AGBL4: variants seen among roughly 807,000 people sequenced by gnomAD.
AGBL4 encodes AGBL carboxypeptidase 4, also known as cytosolic carboxypeptidase 6.
In AGBL4, 58 loss-of-function variants were observed where a neutral mutation model predicts 66.4. The ratio of observed to expected loss-of-function variants is 0.87; its 90% CI spans 0.71 to 1.09. The LOEUF (loss-of-function observed/expected upper bound fraction) is 1.09. Ranked by LOEUF, AGBL4 falls within the 50% of genes least tolerant of loss-of-function variation. The probability of loss-of-function intolerance (pLI) is 0.00; values close to 1 mark genes in which losing one functional copy is unlikely to be tolerated. For missense variants in AGBL4, 579 were observed against 631.0 expected (o/e 0.92, Z 0.88); for synonymous variants, 234 against 222.9 (o/e 1.05, Z -0.44).
intron 4 of AGBL4, among the ~76,000 whole-genome samples, chr1:49,118,682 G>C (rs1334459038): frequency 6.6e-6 from 1 of 152,138 alleles, no homozygotes; most frequent in Non-Finnish European, 1.5e-5. Context: ...TCTCTGCCAG[G>C]CTTTGGTATC....
chr1:49,649,390 T>A lies in AGBL4; in HGVS notation c.282+47923A>T, dbSNP rs199813553. ...CAGGAATAAATGGAGTGATATACAA[T>A]GATTCAGGTCACTTCTTCAAGAAAA... is the stretch of plus-strand genomic sequence containing the variant. On this transcript the variant is annotated intron_variant, in intron 3 of 13. Transcript: ENST00000371839. Among the ~76,000 whole-genome samples the A allele has an allele frequency of 2.6e-5, 4 of 152,320 alleles. No homozygotes were observed. In the East Asian group the frequency reaches 7.7e-4, roughly 29 times the overall value.
rs567917070 is a variant in AGBL4, at chr1:48,707,236, G to C, written c.635-43995C>G. Among the ~76,000 whole-genome samples the C allele has an allele frequency of 3.3e-5, 5 of 152,332 alleles. No individual in the cohort carries two copies. The South Asian group carries it at 1.0e-3, about 32-fold the overall frequency. The stretch of plus-strand genomic sequence containing the variant: ...TTGAGCCCAGGAGGCGGAGGTTGCA[G>C]TGAGCTAAGATCATGCCACTGCACT... On this transcript the variant is annotated intron_variant, in intron 6 of 13. Transcript: ENST00000371839.
intron 5 of AGBL4, among the ~76,000 whole-genome samples, chr1:48,980,325 C>A (rs1659647697): frequency 6.6e-6 from 1 of 152,090 alleles, no homozygotes; most frequent in African/African-American, 2.4e-5. Context: ...CCCTCAGAAG[C>A]CACTTTTTAA....
intron 3 of AGBL4, among the ~76,000 whole-genome samples, chr1:49,568,299 C>A (rs914457660): frequency 2.0e-5 from 3 of 151,978 alleles, no homozygotes; most frequent in Non-Finnish European, 2.9e-5. Flanking sequence ...TCTCAGGATA[C>A]AAAATTAATG....
chr1:48,658,273 T>C (rs1250372024), intron 7 of AGBL4, among the ~76,000 whole-genome samples: 1 of 152,240 alleles, frequency 6.6e-6, no homozygotes, highest in Non-Finnish European at 1.5e-5. Context: ...TGTGGAATAA[T>C]TTGCATATGC....
At chr1:49,870,743 C>CA (rs1410635933) in intron 1 of AGBL4, among the ~76,000 whole-genome samples, 2 of 151,846 alleles carry the variant, frequency 1.3e-5, no homozygotes. Flanking sequence ...GATATTCAAC[C>CA]ACACTAGTCA....
chr1:49,602,800 T>C (rs1331419055), intron 3 of AGBL4, among the ~76,000 whole-genome samples: 5 of 150,792 alleles, frequency 3.3e-5, no homozygotes, highest in Non-Finnish European at 1.5e-5. Flanking sequence ...GTTCTGCACA[T>C]ATATCCCAGA....
chr1:48,540,178 C>T (rs1033580378), intron 11 of AGBL4, among the ~76,000 whole-genome samples: 1 of 152,120 alleles, frequency 6.6e-6, no homozygotes, highest in African/African-American at 2.4e-5. Context: ...GCCTGCTTGA[C>T]CCTTAGGGCT....
intron 1 of AGBL4, among the ~76,000 whole-genome samples, chr1:49,966,986 G>A (rs927551480): frequency 1.3e-5 from 2 of 152,128 alleles, no homozygotes; most frequent in Non-Finnish European, 2.9e-5. Flanking sequence ...TGTCTTTATA[G>A]TAGAATGATT....
At chr1:49,159,362 C>G (rs1246216623) in intron 4 of AGBL4, among the ~76,000 whole-genome samples, 1 of 152,128 alleles carries the variant, frequency 6.6e-6, no homozygotes, top group Non-Finnish European at 1.5e-5. Context: ...GTTGAAAATT[C>G]TTTTCTTTAA....
intron 5 of AGBL4, among the ~76,000 whole-genome samples, chr1:48,937,048 C>T (rs1017148836): frequency 8.5e-5 from 13 of 152,194 alleles, no homozygotes; most frequent in Admixed American, 7.2e-4. Flanking sequence ...TCTTCCTTGA[C>T]AGACAGGTAA....
chr1:49,621,042 C>G (rs984753498), intron 3 of AGBL4, among the ~76,000 whole-genome samples: 1 of 152,172 alleles, frequency 6.6e-6, no homozygotes, highest in African/African-American at 2.4e-5. Context: ...TTTGCAGTAA[C>G]ATTTATATGA....
chr1:49,743,613 T>C (rs576657020), intron 2 of AGBL4, among the ~76,000 whole-genome samples: 4 of 152,284 alleles, frequency 2.6e-5, no homozygotes, highest in Admixed American at 1.3e-4. Flanking sequence ...CGTATGTTTA[T>C]TGTGGCACTA....
intron 3 of AGBL4, among the ~76,000 whole-genome samples, chr1:49,536,881 G>A (rs975916475): frequency 1.3e-5 from 2 of 151,920 alleles, no homozygotes; most frequent in Non-Finnish European, 1.5e-5. Context: ...TGTGGTGGGC[G>A]CCTGTAATGC....
chr1:49,566,520 A>C (rs1043188508), intron 3 of AGBL4, among the ~76,000 whole-genome samples: 1 of 152,208 alleles, frequency 6.6e-6, no homozygotes, highest in Non-Finnish European at 1.5e-5. Flanking sequence ...TCTAACAGTC[A>C]GGAACCTCAG....
chr1:49,243,399 A>G (rs1205070521), intron 4 of AGBL4, among the ~76,000 whole-genome samples: 1 of 151,750 alleles, frequency 6.6e-6, no homozygotes, highest in African/African-American at 2.4e-5. Context: ...CCCATAGCCA[A>G]TTCCTTATCA....
intron 6 of AGBL4, among the ~76,000 whole-genome samples, chr1:48,787,729 G>A (rs1294957529): frequency 2.6e-5 from 4 of 152,164 alleles, no homozygotes; most frequent in Non-Finnish European, 4.4e-5. Flanking sequence ...GAAATGGCAA[G>A]AATAGAGGAA....
At chr1:48,614,500 G>A (rs1645287879) in intron 9 of AGBL4, among the ~76,000 whole-genome samples, 1 of 152,224 alleles carries the variant, frequency 6.6e-6, no homozygotes. Flanking sequence ...GTAGCCCAAA[G>A]AAGGTGATCT....
chr1:49,507,855 G>A (rs2148775970), intron 3 of AGBL4, among the ~76,000 whole-genome samples: 1 of 151,708 alleles, frequency 6.6e-6, no homozygotes, highest in East Asian at 1.9e-4. Context: ...TTTCAGAGTG[G>A]TCCTACCACT....
Sources: gnomAD v4.1 joint callset for allele counts (sites outside exome capture counted in the v4.1 genomes callset) on GRCh38, gnomAD v4.1.1 for gene constraint, MANE v1.5 for transcripts, NCBI Gene and HGNC (gene_info 2026-07-23, HGNC 2026-07-21) for gene names.